VSTM5: variants seen among roughly 807,000 people sequenced by gnomAD.
VSTM5 encodes V-set and transmembrane domain-containing protein 5.
In VSTM5, 21 loss-of-function variants were observed where a neutral mutation model predicts 20.3. That is an observed-to-expected ratio of 1.03 (90% confidence interval 0.73 to 1.49). The LOEUF is 1.49. Among genes scored for constraint, VSTM5 ranks in the 40% most tolerant of loss-of-function variants. The pLI is 0.00. For missense variants in VSTM5, 219 were observed against 250.0 expected, an observed-to-expected ratio of 0.88 and a Z score of 0.84; for synonymous variants, 100 against 102.5, an observed-to-expected ratio of 0.98 and a Z score of 0.14.
At position 93,820,804 on chromosome 11, in the gene VSTM5, G is replaced by A; in HGVS notation, c.498C>T (p.Leu166=). 1.9e-6 allele frequency: 3 copies of A among 1,551,330 alleles called. No individual in the cohort carries two copies. Among genetic ancestry groups the A allele is most frequent in the South Asian group, 1.2e-5 (1 of 84,070 alleles). Residue 166 remains leucine (L), a synonymous_variant, in exon 3 of 4, where the codon CTC becomes CTT. Coordinates refer to ENST00000409977, the MANE Select transcript of VSTM5 (RefSeq NM_001144871.2). ...ATGCACACTTATTACAAACCCACAT[G>A]AGGCTGATTAATACTGCGGCCACAG... is the stretch of plus-strand genomic sequence containing the variant. ...LAAVAAVLIS[L]MWVCNKCAYK...
Position 93,821,043 on chromosome 11 carries a change from CTCCG to C in VSTM5, c.368_371del (p.Thr123SerfsTer40). On this transcript the variant is annotated frameshift_variant, in exon 2 of 4. Coordinates refer to ENST00000409977, the MANE Select transcript of VSTM5 (RefSeq NM_001144871.2). LOFTEE classifies it high-confidence loss of function. ...TGCCAAACTGGCTGCTCCCCAGGCG[CTCCG>C]TCACGGTGATGACATAGTAGCCGGA... The C allele has an allele frequency of 6.4e-7, 1 of 1,551,738 alleles. No individual in the cohort carries two copies. The highest frequency in any genetic ancestry group is 8.7e-7 in the Non-Finnish European group (1 of 1,147,016).
intron 1 of VSTM5, 156 bp from the exon 2 acceptor site, chr11:93,821,479 C>A: frequency 2.8e-6 from 2 of 703,572 alleles, no homozygotes; most frequent in Non-Finnish European, 4.6e-6. Flanking sequence ...TAATGCTGAA[C>A]AAGACACAAG....
intron 1 of VSTM5, among the ~76,000 whole-genome samples, chr11:93,836,297 T>A (rs911975132): frequency 6.6e-6 from 1 of 152,256 alleles, no homozygotes; most frequent in African/African-American, 2.4e-5. Context: ...GAGTGATATT[T>A]TCAAAACTTC....
At position 93,819,344 on chromosome 11, in the gene VSTM5, T is replaced by A. The variant is rs1048821772; in HGVS notation, c.*1225A>T. 1 of 152,236 alleles carries A rather than the reference T, an allele frequency of 6.6e-6. No homozygotes were observed. Among genetic ancestry groups the A allele is most frequent in the African/African-American group, 2.4e-5 (1 of 41,454 alleles). 9.4% of individuals were successfully genotyped at this position (152,236 alleles called of 1,614,324 possible). A position where few individuals can be genotyped will look rare whatever the true frequency, so the allele number is the denominator to read the frequency against. On this transcript the variant is annotated 3_prime_UTR_variant, in exon 4 of 4. Transcript: ENST00000409977. ...AGAGCTTGTCAAATGGAAGTTGGGA[T>A]GGAGAAACTTACAGGTGAACATGGT...
chr11:93,839,305 A>AG (rs1411215455), intron 1 of VSTM5, among the ~76,000 whole-genome samples: 1 of 152,198 alleles, frequency 6.6e-6, no homozygotes, highest in Non-Finnish European at 1.5e-5. Context: ...CCCGTGGCCC[A>AG]GGGACTGCTG....
chr11:93,847,112 A>C (rs918026859), intron 1 of VSTM5, among the ~76,000 whole-genome samples: 1 of 152,082 alleles, frequency 6.6e-6, no homozygotes, highest in African/African-American at 2.4e-5. Flanking sequence ...CTTTTTTTCC[A>C]GTGGGTACAT....
At chr11:93,845,201 C>T (rs907158125) in intron 1 of VSTM5, among the ~76,000 whole-genome samples, 1 of 152,184 alleles carries the variant, frequency 6.6e-6, no homozygotes, top group African/African-American at 2.4e-5. Flanking sequence ...AGATAGTGAT[C>T]TAATTGGTCT....
At chr11:93,838,809 A>G (rs956018525) in intron 1 of VSTM5, among the ~76,000 whole-genome samples, 2 of 152,178 alleles carry the variant, frequency 1.3e-5, no homozygotes, top group African/African-American at 4.8e-5. Context: ...AAAAAATAAA[A>G]TGAATAAACA....
chr11:93,830,468 A>C (rs1321289806), intron 1 of VSTM5, among the ~76,000 whole-genome samples: 1 of 152,272 alleles, frequency 6.6e-6, no homozygotes, highest in Non-Finnish European at 1.5e-5. Flanking sequence ...CGTTCGTTAT[A>C]GAGAGAATTG....
rs150170174 is a variant in VSTM5 at position 93,828,953 on chromosome 11, C to G, written c.92-7630G>C. On this transcript the variant is annotated intron_variant, in intron 1 of 3. Coordinates refer to ENST00000409977, the MANE Select transcript of VSTM5 (RefSeq NM_001144871.2). ...ACACACCCAGGCTCTACCCTGAGACCTCCTAGCTGGGAGATCTGGAAAAGT... is the reference window on the plus strand; with the variant it reads ...ACACACCCAGGCTCTACCCTGAGACGTCCTAGCTGGGAGATCTGGAAAAGT... 5.5e-3 allele frequency among the ~76,000 whole-genome samples: 836 copies of G among 152,282 alleles called. 5 individuals are homozygous for G. Among genetic ancestry groups the G allele is most frequent in the Admixed American group, 8.6e-3 (132 of 15,300 alleles).
At chr11:93,847,733 A>T (rs943532314) in intron 1 of VSTM5, among the ~76,000 whole-genome samples, 4 of 152,322 alleles carry the variant, frequency 2.6e-5, no homozygotes, top group Non-Finnish European at 4.4e-5. Context: ...TCTGGTGGGG[A>T]GGCCTGCCAG....
chr11:93,829,102 C>A (rs1321718862), intron 1 of VSTM5, among the ~76,000 whole-genome samples: 6 of 152,224 alleles, frequency 3.9e-5, no homozygotes, highest in Non-Finnish European at 8.8e-5. Context: ...GCCCCCACCA[C>A]TTACCCTTCT....
In VSTM5 at chr11:93,818,323, A is replaced by G. The variant is rs1944147652; in HGVS notation, c.*2246T>C. On this transcript the variant is annotated 3_prime_UTR_variant, in exon 4 of 4. Coordinates refer to ENST00000409977, the MANE Select transcript of VSTM5 (RefSeq NM_001144871.2). ...TATAGCTTAACATTTACACTAGCTA[A>G]TCTCTAAGATTTTTATTTTTCTGAA... 1 of 152,068 alleles carries G rather than the reference A, an allele frequency of 6.6e-6. No homozygotes were observed. 9.4% of individuals were successfully genotyped at this position (152,068 alleles called of 1,614,324 possible). A position where few individuals can be genotyped will look rare whatever the true frequency, so the allele number is the denominator to read the frequency against.
intron 1 of VSTM5, among the ~76,000 whole-genome samples, chr11:93,844,505 C>T (rs1338233266): frequency 6.6e-6 from 1 of 152,140 alleles, no homozygotes; most frequent in Non-Finnish European, 1.5e-5. Context: ...AGCTCCAAAA[C>T]CTTCCCAAGC....
In VSTM5 at chr11:93,850,555, C is replaced by T; in HGVS notation, c.-53G>A. On this transcript the variant is annotated 5_prime_UTR_variant, in exon 1 of 4. Coordinates refer to ENST00000409977, the MANE Select transcript of VSTM5 (RefSeq NM_001144871.2). ...GGTGTGTGCTGGCCGCACCGCGCTG[C>T]AGCTCCTATGCAGCCTTCTCTCTTC... 2 of 1,391,566 alleles carry T rather than the reference C, an allele frequency of 1.4e-6. No homozygotes were observed. Among genetic ancestry groups the T allele is most frequent in the Non-Finnish European group, 2.0e-6 (2 of 1,019,416 alleles). 86.2% of individuals were successfully genotyped at this position (1,391,566 alleles called of 1,614,324 possible).
intron 1 of VSTM5, among the ~76,000 whole-genome samples, chr11:93,830,806 G>A (rs948098814): frequency 2.6e-5 from 4 of 151,300 alleles, no homozygotes; most frequent in African/African-American, 7.3e-5. Context: ...AGGCTGGAGT[G>A]CAGTGGGTGG....
At chr11:93,839,944 C>G (rs1342953425) in intron 1 of VSTM5, among the ~76,000 whole-genome samples, 1 of 152,100 alleles carries the variant, frequency 6.6e-6, no homozygotes, top group Non-Finnish European at 1.5e-5. Flanking sequence ...CATACATGCA[C>G]GTGGAGTGAG....
intron 1 of VSTM5, among the ~76,000 whole-genome samples, chr11:93,844,734 T>A (rs1487027471): frequency 6.6e-6 from 1 of 152,158 alleles, no homozygotes; most frequent in Non-Finnish European, 1.5e-5. Context: ...AAGAAGCTCC[T>A]CCCATTCCAA....
chr11:93,844,020 A>G (rs1255924346), intron 1 of VSTM5, among the ~76,000 whole-genome samples: 3 of 151,930 alleles, frequency 2.0e-5, no homozygotes, highest in Non-Finnish European at 4.4e-5. Flanking sequence ...CCAGCCTTCC[A>G]CTCACGTTAG....
Sources: gnomAD v4.1 joint callset for allele counts (sites outside exome capture counted in the v4.1 genomes callset) on GRCh38, gnomAD v4.1.1 for gene constraint, MANE v1.5 for transcripts, NCBI Gene and HGNC (gene_info 2026-07-23, HGNC 2026-07-21) for gene names.